The following COG4 variants were observed in gnomAD, a reference collection of about 807,000 sequenced individuals.
The protein encoded by COG4 is conserved oligomeric Golgi complex subunit 4.
In COG4, 65 loss-of-function variants were observed where a neutral mutation model predicts 95.1. The observed-to-expected ratio is 0.68, with a 90% CI of 0.56 to 0.84. The LOEUF (loss-of-function observed/expected upper bound fraction) is 0.84, where lower values mean the gene tolerates loss of function less well. COG4 is among the 40% of genes least tolerant of loss of function. COG4 has a pLI of 0.00. For synonymous variants in COG4, 421 were observed against 374.8 expected (o/e 1.12, Z -1.42); for missense variants, 1,045 against 989.1 (o/e 1.06, Z -0.76).
At chr16:70,485,289 C>T (rs1047648000) in intron 13 of COG4, among the ~76,000 whole-genome samples, 1 of 151,062 alleles carries the variant, frequency 6.6e-6, no homozygotes, top group African/African-American at 2.4e-5. Flanking sequence ...CTGCAACCTC[C>T]GCCTCCTGGG....
intron 8 of COG4, among the ~76,000 whole-genome samples, chr16:70,506,241 CA>C (rs796526256): frequency 8.4e-4 from 116 of 138,392 alleles, no homozygotes; most frequent in Non-Finnish European, 7.8e-4. Context: ...ACTAAAAATA[CA>C]AAAAAAAAAA....
At chr16:70,485,988 T>C (rs969708981) in intron 13 of COG4, among the ~76,000 whole-genome samples, 7 of 151,488 alleles carry the variant, frequency 4.6e-5, no homozygotes, top group African/African-American at 1.2e-4. Flanking sequence ...CTCCGCCTCC[T>C]GGGTTCACGC....
chr16:70,514,805 C>T (rs2049788888), intron 3 of COG4, among the ~76,000 whole-genome samples: 1 of 152,078 alleles, frequency 6.6e-6, no homozygotes, highest in African/African-American at 2.4e-5. Flanking sequence ...CCTCTGCCTC[C>T]TGGGCCTAAG....
intron 8 of COG4, among the ~76,000 whole-genome samples, chr16:70,502,092 G>A (rs567471450): frequency 2.5e-4 from 38 of 149,702 alleles, no homozygotes; most frequent in African/African-American, 7.1e-4. Flanking sequence ...GACCATCCCG[G>A]CCAACATGGT....
At chr16:70,482,624 G>A in intron 15 of COG4, 105 bp downstream of exon 15, 1 of 907,194 alleles carries the variant, frequency 1.1e-6, no homozygotes, top group Non-Finnish European at 1.8e-6. Flanking sequence ...AAGTGGGCCT[G>A]GGAAGCATGG....
chr16:70,508,957 T>C (rs2049638736), intron 7 of COG4: 2 of 551,474 alleles, frequency 3.6e-6, no homozygotes. Context: ...GCACATTTTG[T>C]GATAGAGAAC....
At chr16:70,491,203 A>T (rs2049236625) in intron 12 of COG4, among the ~76,000 whole-genome samples, 1 of 152,088 alleles carries the variant, frequency 6.6e-6, no homozygotes. Context: ...CACGGGAGGA[A>T]ATGAGACTCC....
intron 13 of COG4, among the ~76,000 whole-genome samples, chr16:70,486,726 G>A (rs1193871648): frequency 1.3e-5 from 2 of 152,232 alleles, no homozygotes; most frequent in Non-Finnish European, 2.9e-5. Context: ...GCCGGGCGCC[G>A]TGGCTCACGC....
chr16:70,509,588 G>A (rs555406809), intron 6 of COG4, among the ~76,000 whole-genome samples, 200 bp from the exon 7 acceptor site: 1 of 152,304 alleles, frequency 6.6e-6, no homozygotes, highest in South Asian at 2.1e-4. Context: ...TACACCAGCA[G>A]GCATTTGGTA....
At chr16:70,522,146 C>A (rs1207478310) in intron 1 of COG4, among the ~76,000 whole-genome samples, 1 of 151,966 alleles carries the variant, frequency 6.6e-6, no homozygotes, top group Non-Finnish European at 1.5e-5. Context: ...TACAGGCATG[C>A]GTCACCACAC....
In COG4 at chr16:70,486,515, G is replaced by A. The variant is rs2049139147; in HGVS notation, c.1711-2546C>T. On this transcript the variant is annotated intron_variant, in intron 13 of 18. Coordinates refer to ENST00000323786, the MANE Select transcript of COG4 (RefSeq NM_015386.3). Reference sequence around the variant, plus strand: ...AAGGGCTGCTGATGGGGCTAAGAAAGAACATCTGTGAAATGCAAATCTAAG... The same window carrying A: ...AAGGGCTGCTGATGGGGCTAAGAAAAAACATCTGTGAAATGCAAATCTAAG... 2.0e-5 allele frequency among the ~76,000 whole-genome samples: 3 copies of A among 152,306 alleles called. No homozygotes were observed. The South Asian group carries it at 6.2e-4, about 32-fold the overall frequency.
At chr16:70,502,280 CAAAAAAAA>C (rs59805765) in intron 8 of COG4, among the ~76,000 whole-genome samples, 4,347 of 18,790 alleles carry the variant, frequency 0.23, 311 homozygotes, top group African/African-American at 0.44. Flanking sequence ...GACTCCGTCT[CAAAAAAAA>C]AAAAAAAAAA....
chr16:70,490,274 T>C, intron 13 of COG4, 56 bp downstream of exon 13: 5 of 1,386,528 alleles, frequency 3.6e-6, no homozygotes, highest in South Asian at 2.3e-5. Flanking sequence ...TATAGGGCTC[T>C]ATCTCAACAT....
At chr16:70,500,517 C>T (rs543471113) in intron 9 of COG4, among the ~76,000 whole-genome samples, 11 of 151,508 alleles carry the variant, frequency 7.3e-5, no homozygotes, top group African/African-American at 2.2e-4. Context: ...TATTGCACCA[C>T]GCTCAGCTAA....
rs568248372 is a variant in COG4, at chr16:70,487,561, G to A, written c.1710+2769C>T. Among the ~76,000 whole-genome samples the A allele has an allele frequency of 9.9e-5, 15 of 152,282 alleles. No individual in the cohort carries two copies. In the South Asian group the frequency reaches 1.9e-3, roughly 19 times the overall value. ...CGCGCCATTGCACTCTAGCCTGGGCGACAGAGCGAGACTCCGTCTCAAAAA... is the reference window on the plus strand; with the variant it reads ...CGCGCCATTGCACTCTAGCCTGGGCAACAGAGCGAGACTCCGTCTCAAAAA... On this transcript the variant is annotated intron_variant, in intron 13 of 18. Coordinates refer to ENST00000323786, the MANE Select transcript of COG4 (RefSeq NM_015386.3).
At chr16:70,501,559 T>C (rs1316082431) in intron 8 of COG4, 2 of 181,064 alleles carry the variant, frequency 1.1e-5, no homozygotes, top group Non-Finnish European at 2.3e-5. Context: ...TTTCACTGTA[T>C]TAGCGAGGAT....
At chr16:70,493,259 CCTGTTTTCTTCACCACTGCGTCT>C (rs769857712) in intron 12 of COG4, among the ~76,000 whole-genome samples, 4 of 152,030 alleles carry the variant, frequency 2.6e-5, no homozygotes, top group Admixed American at 6.6e-5. Context: ...ATGGATCTAG[CCTGTTTTCTTCACCACTGCGTCT>C]CTATACAGCA....
chr16:70,492,117 C>T (rs2049256690), intron 12 of COG4, among the ~76,000 whole-genome samples: 1 of 152,220 alleles, frequency 6.6e-6, no homozygotes, highest in Admixed American at 6.5e-5. Context: ...ATTCGGGTCT[C>T]TGAGCTTCCA....
chr16:70,481,155 G>A lies in COG4; in HGVS notation c.2236-11C>T, dbSNP rs2048982781. On this transcript the variant is annotated splice_polypyrimidine_tract_variant and intron_variant, in intron 18 of 18. Coordinates refer to ENST00000323786, the MANE Select transcript of COG4 (RefSeq NM_015386.3). ...GAGGATCTCGGTCACCTGTGGGGAAGGACATAGAGACCAGTCAGCAAGGTG... is the reference window on the plus strand; with the variant it reads ...GAGGATCTCGGTCACCTGTGGGGAAAGACATAGAGACCAGTCAGCAAGGTG... 1.2e-6 allele frequency: 2 copies of A among 1,613,170 alleles called. No homozygotes were observed. The highest frequency in any genetic ancestry group is 1.1e-5 in the South Asian group (1 of 91,074).
Sources: gnomAD v4.1 joint callset for allele counts (sites outside exome capture counted in the v4.1 genomes callset) on GRCh38, gnomAD v4.1.1 for gene constraint, MANE v1.5 for transcripts, NCBI Gene and HGNC (gene_info 2026-07-23, HGNC 2026-07-21) for gene names.